The following MBP variants were observed in gnomAD, a reference collection of about 807,000 sequenced individuals.
MBP encodes the protein Golli-MBP.
In MBP, 16 loss-of-function variants were observed where a neutral mutation model predicts 35.8. The ratio of observed to expected loss-of-function variants is 0.45; its 90% CI spans 0.30 to 0.68. MBP has a LOEUF of 0.68. Among genes scored for constraint, MBP ranks in the 30% least tolerant of loss-of-function variants. The pLI, the probability that MBP is intolerant of heterozygous loss-of-function variation, is 0.08. For synonymous variants in MBP, 143 were observed against 159.6 expected, an observed-to-expected ratio of 0.90 and a Z score of 0.78; for missense variants, 380 against 404.7, an observed-to-expected ratio of 0.94 and a Z score of 0.52.
chr18:77,043,331 A>G (rs1297934599), intron 3 of MBP, among the ~76,000 whole-genome samples: 1 of 152,254 alleles, frequency 6.6e-6, no homozygotes, highest in Non-Finnish European at 1.5e-5. Flanking sequence ...ATGTCATGAA[A>G]ATAAATTAAT....
At chr18:77,124,292 G>A (rs1269024096) in intron 1 of MBP, among the ~76,000 whole-genome samples, 13 of 152,164 alleles carry the variant, frequency 8.5e-5, no homozygotes, top group Admixed American at 7.2e-4. Context: ...AGGTAATTTG[G>A]TTAATCACTT....
At chr18:77,063,169 A>G (rs922110647) in intron 3 of MBP, among the ~76,000 whole-genome samples, 4 of 152,176 alleles carry the variant, frequency 2.6e-5, no homozygotes, top group African/African-American at 7.2e-5. Context: ...TATGCCTCCA[A>G]GGTTATACAG....
At chr18:77,027,408 G>C (rs905710440) in intron 3 of MBP, among the ~76,000 whole-genome samples, 1 of 152,200 alleles carries the variant, frequency 6.6e-6, no homozygotes, top group Non-Finnish European at 1.5e-5. Flanking sequence ...GAGGCCCACC[G>C]AGCAGAGGCT....
At chr18:77,037,680 C>G (rs1489348940) in intron 3 of MBP, among the ~76,000 whole-genome samples, 1 of 152,220 alleles carries the variant, frequency 6.6e-6, no homozygotes, top group African/African-American at 2.4e-5. Flanking sequence ...TTTTCTCTTC[C>G]ATCCTCTGGC....
intron 3 of MBP, among the ~76,000 whole-genome samples, chr18:77,060,229 C>A (rs1290520796): frequency 2.0e-5 from 3 of 152,068 alleles, no homozygotes; most frequent in African/African-American, 7.2e-5. Context: ...TGGAGGTGCT[C>A]AAAAATGATT....
chr18:77,077,818 G>T (rs1244219960), intron 2 of MBP, among the ~76,000 whole-genome samples: 2 of 152,228 alleles, frequency 1.3e-5, no homozygotes, highest in East Asian at 3.8e-4. Context: ...GGAAAATAAG[G>T]CACATTATAG....
At position 77,019,813 on chromosome 18, in the gene MBP, C is replaced by A. The variant is rs56093863; in HGVS notation, c.140-2545G>T. 7.0e-3 allele frequency among the ~76,000 whole-genome samples: 1,072 copies of A among 152,202 alleles called. 9 individuals carry two copies. The highest frequency in any genetic ancestry group is 0.012 in the Non-Finnish European group (788 of 67,990). Reference sequence around the variant, plus strand: ...GTGCTTCTGGCAGAGGGGAAGGCAGCCCCCACTGGAAGCCTGCGCGGAATC... The same window carrying A: ...GTGCTTCTGGCAGAGGGGAAGGCAGACCCCACTGGAAGCCTGCGCGGAATC... On this transcript the variant is annotated intron_variant, in intron 3 of 8. Coordinates refer to ENST00000355994, the MANE Select transcript of MBP (RefSeq NM_001025101.2).
intron 4 of MBP, among the ~76,000 whole-genome samples, chr18:77,012,494 G>A (rs1568287917): frequency 6.6e-6 from 1 of 152,230 alleles, no homozygotes; most frequent in Non-Finnish European, 1.5e-5. Flanking sequence ...TCAGGGGAGA[G>A]AAGACAGTAA....
chr18:76,985,316 G>A, intron 7 of MBP: 2 of 1,296,058 alleles, frequency 1.5e-6, no homozygotes, highest in Non-Finnish European at 1.0e-6. Context: ...GCTGTGCGCT[G>A]TGTAGGTGCC....
chr18:77,001,611 G>A (rs1970639310), intron 4 of MBP, among the ~76,000 whole-genome samples: 1 of 152,184 alleles, frequency 6.6e-6, no homozygotes, highest in Non-Finnish European at 1.5e-5. Context: ...AGAACTTTGG[G>A]AGGCCAAGGC....
chr18:77,122,181 A>G (rs996654849), intron 1 of MBP, among the ~76,000 whole-genome samples: 1 of 152,222 alleles, frequency 6.6e-6, no homozygotes, highest in Admixed American at 6.5e-5. Context: ...ACTATGGTAG[A>G]CATCAGTGGG....
chr18:77,072,182 T>G (rs895791471), intron 2 of MBP, among the ~76,000 whole-genome samples: 9 of 152,240 alleles, frequency 5.9e-5, no homozygotes, highest in African/African-American at 2.2e-4. Flanking sequence ...GCCTCATAAT[T>G]CTTATCTCAT....
chr18:77,074,294 C>T (rs1974568918), intron 2 of MBP, among the ~76,000 whole-genome samples: 1 of 149,576 alleles, frequency 6.7e-6, no homozygotes, highest in Non-Finnish European at 1.5e-5. Context: ...CGGGTCTCCC[C>T]AAGGGGGTTC....
At chr18:77,015,404 T>C (rs2123452374) in intron 4 of MBP, 3 of 985,458 alleles carry the variant, frequency 3.0e-6, no homozygotes, top group African/African-American at 1.7e-5. Context: ...TGTGGTTTGA[T>C]AGCTGGGCTT....
chr18:76,997,917 C>T (rs1599505524), intron 4 of MBP, among the ~76,000 whole-genome samples: 3 of 141,576 alleles, frequency 2.1e-5, no homozygotes, highest in South Asian at 2.2e-4. Flanking sequence ...CTCCTGACCT[C>T]GTGATCCGCC....
intron 1 of MBP, among the ~76,000 whole-genome samples, chr18:77,119,045 C>A (rs1976804630): frequency 1.5e-4 from 1 of 6,658 alleles, no homozygotes; most frequent in African/African-American, 1.6e-4. Flanking sequence ...TTCCCTTGCA[C>A]CCTGTCTGTG....
chr18:77,013,460 C>T (rs1236064313), intron 4 of MBP: 2 of 985,142 alleles, frequency 2.0e-6, no homozygotes, highest in East Asian at 1.1e-4. Context: ...AATTAGGTTA[C>T]TGTAGAACTA....
At chr18:77,052,152 G>C (rs79909460) in intron 3 of MBP, among the ~76,000 whole-genome samples, 9 of 152,160 alleles carry the variant, frequency 5.9e-5, no homozygotes, top group African/African-American at 1.9e-4. Flanking sequence ...GACCAGGAAC[G>C]GGGGAAGGAG....
At chr18:77,065,037 C>T (rs966346427) in intron 3 of MBP, among the ~76,000 whole-genome samples, 30 of 152,226 alleles carry the variant, frequency 2.0e-4, no homozygotes, top group African/African-American at 7.0e-4. Context: ...CATGATGGGA[C>T]GAGTGGATCC....
Sources: gnomAD v4.1 joint callset for allele counts (sites outside exome capture counted in the v4.1 genomes callset) on GRCh38, gnomAD v4.1.1 for gene constraint, MANE v1.5 for transcripts, NCBI Gene and HGNC (gene_info 2026-07-23, HGNC 2026-07-21) for gene names.